The following DNAAF1 variants were observed in gnomAD, a reference collection of about 807,000 sequenced individuals.
The protein encoded by DNAAF1 is dynein assembly factor 1, axonemal.
In DNAAF1, 65 loss-of-function variants were observed where a neutral mutation model predicts 71.1. The ratio of observed to expected loss-of-function variants is 0.91; its 90% CI spans 0.75 to 1.12. The LOEUF (loss-of-function observed/expected upper bound fraction) is 1.12, where lower values mean the gene tolerates loss of function less well. Among genes scored for constraint, DNAAF1 ranks in the 50% most tolerant of loss-of-function variants. The pLI, the probability that DNAAF1 is intolerant of heterozygous loss-of-function variation, is 0.00. For missense variants in DNAAF1, 1,178 were observed against 899.8 expected (o/e 1.31, Z -3.96); for synonymous variants, 414 against 354.6 (o/e 1.17, Z -1.88).
intron 9 of DNAAF1, chr16:84,173,511 G>A (rs753678595): frequency 2.6e-5 from 26 of 983,060 alleles, no homozygotes; most frequent in Admixed American, 6.3e-5. Flanking sequence ...ATTCACAGTG[G>A]GTTTCTAGTT....
Position 84,159,778 on chromosome 16 carries a change from C to T in DNAAF1, c.845C>T (p.Pro282Leu). The stretch of plus-strand genomic sequence containing the variant: ...CACTTAACATACCTGGATGATAGAC[C>T]AGTGTTTCCAAAGGACAGGTAAGAA... ...LKHLTYLDDR[P>L]VFPKDRACAE... The change falls in exon 6 of 12, where the codon CCA becomes CTA. Residue 282 changes from proline to leucine, a missense_variant. Physicochemically the swap from Pro to Leu is moderately conservative, Grantham distance 98. Coordinates refer to ENST00000378553, the MANE Select transcript of DNAAF1 (RefSeq NM_178452.6). The T allele has an allele frequency of 6.2e-7, 1 of 1,613,806 alleles. No homozygotes were observed. The highest frequency in any genetic ancestry group is 8.5e-7 in the Non-Finnish European group (1 of 1,179,848).
At position 84,172,266 on chromosome 16, in the gene DNAAF1, C is replaced by T; in HGVS notation, c.1535C>T (p.Thr512Ile). The stretch of plus-strand genomic sequence containing the variant: ...ACTTGTTGTTGCTCTTTAGAACCGA[C>T]TCCCCAGGCTGTGGCCACTGAGGGT... The part of the protein sequence containing the change: ...PPLGAAREEP[T>I]PQAVATEGVF... The change falls in exon 9 of 12, where the codon ACT (threonine) becomes ATT (isoleucine). Residue 512 changes from threonine (T) to isoleucine (I), a missense_variant. Thr to Ile is a moderately conservative substitution (Grantham distance 89). Coordinates refer to ENST00000378553, the MANE Select transcript of DNAAF1 (RefSeq NM_178452.6). 1 of 1,614,020 alleles carries T rather than the reference C, an allele frequency of 6.2e-7. No homozygotes were observed. Among genetic ancestry groups the T allele is most frequent in the Non-Finnish European group, 8.5e-7 (1 of 1,180,002 alleles).
In DNAAF1 at chr16:84,176,041, C is replaced by T; in HGVS notation, c.1807C>T (p.Leu603=). The change falls in exon 11 of 12, where the codon CTG becomes TTG. Residue 603 remains leucine (L), a synonymous_variant. Coordinates refer to ENST00000378553, the MANE Select transcript of DNAAF1 (RefSeq NM_178452.6). ...GCTGGAAAACCTCCCCACAGACACT[C>T]TGTCAAATATATTTGCAGTCTCTAA... The part of the protein sequence containing the change: ...PVLENLPTDT[L]SNIFAVSKDT... 6.2e-7 allele frequency: 1 copy of T among 1,614,198 alleles called. No homozygotes were observed. Among genetic ancestry groups the T allele is most frequent in the South Asian group, 1.1e-5 (1 of 91,090 alleles).
chr16:84,171,792 C>T lies in DNAAF1; in HGVS notation c.1529-468C>T, dbSNP rs150202899. ...AGATTACAGAAAAGGGCAGCCGTTC[C>T]GTTCTTTTTCCAGCAGACAGAAGCC... On this transcript the variant is annotated intron_variant, in intron 8 of 11. Coordinates refer to ENST00000378553, the MANE Select transcript of DNAAF1 (RefSeq NM_178452.6). 1.7e-4 allele frequency among the ~76,000 whole-genome samples: 26 copies of T among 152,220 alleles called. No individual in the cohort carries two copies. In the South Asian group the frequency reaches 4.4e-3, roughly 25 times the overall value.
Position 84,172,689 on chromosome 16 carries a change from A to G in DNAAF1, c.1644+314A>G, listed in dbSNP as rs139922471. On this transcript the variant is annotated intron_variant, in intron 9 of 11. Coordinates refer to ENST00000378553, the MANE Select transcript of DNAAF1 (RefSeq NM_178452.6). ...TTGATTCCTTTTTGCCAAAGAAGCT[A>G]TCTTGCTAAGTGGTTCTGACTAGTT... is the stretch of plus-strand genomic sequence containing the variant. 8.7e-3 allele frequency: 10,605 copies of G among 1,224,224 alleles called. 63 individuals carry two copies. Among genetic ancestry groups the G allele is most frequent in the Middle Eastern group, 0.017 (47 of 2,816 alleles). The allele number at this position is 1,224,224 out of a possible 1,614,324, so 75.8% of individuals were successfully genotyped here. A position where few individuals can be genotyped will look rare whatever the true frequency, so the allele number is the denominator to read the frequency against.
intron 5 of DNAAF1, among the ~76,000 whole-genome samples, chr16:84,155,996 T>C (rs1179067425): frequency 6.6e-6 from 1 of 152,026 alleles, no homozygotes; most frequent in Non-Finnish European, 1.5e-5. Flanking sequence ...AGAGTTTCGC[T>C]CTTCTTGATC....
intron 1 of DNAAF1, among the ~76,000 whole-genome samples, chr16:84,147,041 G>C (rs1313542697): frequency 6.6e-6 from 1 of 152,162 alleles, no homozygotes. Flanking sequence ...TCAGCAGCTG[G>C]CCAGCTTTAT....
intron 7 of DNAAF1, among the ~76,000 whole-genome samples, 159 bp from the exon 8 acceptor site, chr16:84,169,700 C>T (rs2088220597): frequency 6.6e-6 from 1 of 152,168 alleles, no homozygotes. Context: ...GGATTACAGG[C>T]ACGAGCCACC....
intron 3 of DNAAF1, among the ~76,000 whole-genome samples, chr16:84,150,616 C>CTTTTTTTTTTTT (rs754336069): frequency 7.7e-6 from 1 of 130,354 alleles, no homozygotes. Context: ...TCTTTTCTTT[C>CTTTTTTTTTTTT]TTTTTTTTTT....
chr16:84,164,209 G>A (rs1253849836), intron 6 of DNAAF1, among the ~76,000 whole-genome samples: 2 of 121,924 alleles, frequency 1.6e-5, no homozygotes, highest in Admixed American at 7.8e-5. Context: ...TATTTGTAAC[G>A]TCTTACATTC....
chr16:84,149,206 C>T (rs2087066896), intron 2 of DNAAF1, 64 bp downstream of exon 2: 2 of 1,589,628 alleles, frequency 1.3e-6, no homozygotes, highest in African/African-American at 1.3e-5. Flanking sequence ...TAATCACCCC[C>T]TTGTACGGAT....
At chr16:84,155,446 C>A in intron 4 of DNAAF1, 137 bp from the exon 5 acceptor site, 1 of 1,014,900 alleles carries the variant, frequency 9.9e-7, no homozygotes, top group South Asian at 1.3e-5. Context: ...CCAGGCTGGT[C>A]TCAAACCTCC....
intron 5 of DNAAF1, among the ~76,000 whole-genome samples, chr16:84,157,126 G>A (rs1416602364): frequency 2.0e-5 from 3 of 151,958 alleles, no homozygotes; most frequent in Non-Finnish European, 4.4e-5. Flanking sequence ...TGGTGACAGT[G>A]AAACCTTTCT....
chr16:84,159,383 C>T (rs914327156), intron 5 of DNAAF1, among the ~76,000 whole-genome samples: 2 of 152,148 alleles, frequency 1.3e-5, no homozygotes, highest in Non-Finnish European at 2.9e-5. Flanking sequence ...ATCAACTGCA[C>T]TCAGAAAAAG....
At chr16:84,157,682 C>T (rs1418522716) in intron 5 of DNAAF1, among the ~76,000 whole-genome samples, 1 of 151,998 alleles carries the variant, frequency 6.6e-6, no homozygotes, top group Non-Finnish European at 1.5e-5. Flanking sequence ...ACACAAAAAC[C>T]TTGAGTTTAT....
intron 8 of DNAAF1, among the ~76,000 whole-genome samples, chr16:84,171,792 C>G (rs150202899): frequency 0.021 from 3,226 of 152,212 alleles, 57 homozygotes; most frequent in South Asian, 0.037. Flanking sequence ...GCAGCCGTTC[C>G]GTTCTTTTTC....
At chr16:84,172,193 C>T in intron 8 of DNAAF1, 67 bp from the exon 9 acceptor site, 2 of 1,484,816 alleles carry the variant, frequency 1.3e-6, no homozygotes, top group Non-Finnish European at 9.3e-7. Flanking sequence ...AGCCCATCTT[C>T]ACCGTAGGCT....
At position 84,170,335 on chromosome 16, in the gene DNAAF1, C is replaced by G. The variant is rs1295741623; in HGVS notation, c.1507C>G (p.Pro503Ala). Residue 503 changes from proline (P) to alanine (A), a missense_variant, in exon 8 of 12, where the codon CCC becomes GCC. Transcript: ENST00000378553. ...TLPAEAPPPP[P>A]LGAAREEPTP... ...CCCAGCTGAGGCCCCACCACCACCG[C>G]CCCTGGGAGCTGCCAGGGAAGGTAA... 6.2e-7 allele frequency: 1 copy of G among 1,613,898 alleles called. No homozygotes were observed. Among genetic ancestry groups the G allele is most frequent in the Non-Finnish European group, 8.5e-7 (1 of 1,180,022 alleles).
chr16:84,145,326 G>A lies in DNAAF1; in HGVS notation c.-115G>A, dbSNP rs2086847655. 2.0e-6 allele frequency: 3 copies of A among 1,511,490 alleles called. No individual in the cohort carries two copies. The highest frequency in any genetic ancestry group is 2.0e-5 in the Admixed American group (1 of 50,642). 93.6% of individuals were successfully genotyped at this position (1,511,490 alleles called of 1,614,324 possible). A position where few individuals can be genotyped will look rare whatever the true frequency, so the allele number is the denominator to read the frequency against. On this transcript the variant is annotated 5_prime_UTR_variant, in exon 1 of 12. Transcript: ENST00000378553. The stretch of plus-strand genomic sequence containing the variant: ...TTGGGCTGTAAAGACTAGGGCGCCA[G>A]CGGCTGGCGAAGAAGGAAAGAGGGT...
Sources: gnomAD v4.1 joint callset for allele counts (sites outside exome capture counted in the v4.1 genomes callset) on GRCh38, gnomAD v4.1.1 for gene constraint, MANE v1.5 for transcripts, NCBI Gene and HGNC (gene_info 2026-07-23, HGNC 2026-07-21) for gene names.